Variants in SCAPER observed in about 807,000 individuals in gnomAD.
SCAPER encodes the protein S phase cyclin A-associated protein in the endoplasmic reticulum.
A neutral mutation model predicts 182.2 loss-of-function variants in SCAPER; 98 were observed. The observed-to-expected ratio is 0.54, with a 90% CI of 0.46 to 0.64. The LOEUF is 0.64. Ranked by LOEUF, SCAPER falls within the 30% of genes least tolerant of loss-of-function variation. SCAPER has a pLI of 0.00. For missense variants in SCAPER, 1,432 were observed against 1,690.0 expected (o/e 0.85, Z 2.68); for synonymous variants, 605 against 564.6 (o/e 1.07, Z -1.01).
chr15:76,801,919 A>C (rs1457144344), intron 6 of SCAPER, among the ~76,000 whole-genome samples: 1 of 152,050 alleles, frequency 6.6e-6, no homozygotes, highest in African/African-American at 2.4e-5. Context: ...CAAGGAAAAA[A>C]AAAAAAGGGA....
chr15:76,434,379 A>C (rs548656596), intron 25 of SCAPER, 69 bp from the exon 26 acceptor site: 9 of 1,092,664 alleles, frequency 8.2e-6, no homozygotes, highest in Non-Finnish European at 1.1e-5. Context: ...GACAGTTTAG[A>C]ACATTTCTGG....
chr15:76,789,459 ATCT>A (rs2064850182), intron 8 of SCAPER, among the ~76,000 whole-genome samples: 1 of 152,142 alleles, frequency 6.6e-6, no homozygotes, highest in Non-Finnish European at 1.5e-5. Context: ...ATTGGACCTA[ATCT>A]TTTAACCAAT....
At chr15:76,885,677 G>C (rs934453650) in intron 1 of SCAPER, among the ~76,000 whole-genome samples, 3 of 152,072 alleles carry the variant, frequency 2.0e-5, no homozygotes, top group African/African-American at 7.2e-5. Flanking sequence ...CAGAGACGGA[G>C]TTTCACCACA....
chr15:76,483,540 A>T (rs1423809368), intron 24 of SCAPER, among the ~76,000 whole-genome samples: 1 of 152,172 alleles, frequency 6.6e-6, no homozygotes, highest in East Asian at 1.9e-4. Flanking sequence ...TGTGAAAAGC[A>T]CTGTTAAGAG....
chr15:76,468,799 G>A (rs1001681973), intron 25 of SCAPER, among the ~76,000 whole-genome samples: 9 of 152,112 alleles, frequency 5.9e-5, no homozygotes, highest in African/African-American at 9.7e-5. Context: ...ATCTGGAGAC[G>A]GGGCCTGTGG....
intron 17 of SCAPER, among the ~76,000 whole-genome samples, chr15:76,721,781 C>A (rs2060259413): frequency 6.6e-6 from 1 of 152,054 alleles, no homozygotes; most frequent in South Asian, 2.1e-4. Flanking sequence ...GATTTTGTAT[C>A]CTGAGACTTT....
At chr15:76,819,675 C>T (rs542051547) in intron 5 of SCAPER, among the ~76,000 whole-genome samples, 2 of 152,246 alleles carry the variant, frequency 1.3e-5, no homozygotes, top group East Asian at 1.9e-4. Flanking sequence ...AAAATCAGAG[C>T]GCCTCTCCTC....
chr15:76,764,892 C>A (rs1321404433), intron 14 of SCAPER, 69 bp downstream of exon 14: 11 of 832,942 alleles, frequency 1.3e-5, no homozygotes, highest in Admixed American at 8.9e-5. Context: ...TCTCTCAGAC[C>A]AGAAGTAGAG....
chr15:76,601,158 A>G (rs1012564053), intron 22 of SCAPER, among the ~76,000 whole-genome samples: 2 of 122,612 alleles, frequency 1.6e-5, no homozygotes, highest in African/African-American at 5.0e-5. Flanking sequence ...ATGGTGTTCT[A>G]TCATGAATGG....
At position 76,621,754 on chromosome 15, in the gene SCAPER, G is replaced by GAA; in HGVS notation, c.2711+8_2711+9dup. ...TGAAGAAAAGGAGAACTAAAATGTG[G>GAA]AATACTCACTTTGCTTTATAAGGTG... On this transcript the variant is annotated intron_variant, in intron 22 of 31. Coordinates refer to ENST00000563290, the MANE Select transcript of SCAPER (RefSeq NM_020843.4). 6.3e-7 allele frequency: 1 copy of GAA among 1,598,850 alleles called. No individual in the cohort carries two copies. The highest frequency in any genetic ancestry group is 8.5e-7 in the Non-Finnish European group (1 of 1,171,564).
In SCAPER at chr15:76,605,169, T is replaced by C. The variant is rs575640917; in HGVS notation, c.2711+16595A>G. Among the ~76,000 whole-genome samples, 6 of 152,296 alleles carry C rather than the reference T, an allele frequency of 3.9e-5. No individual in the cohort carries two copies. In the East Asian group the frequency reaches 9.6e-4, roughly 24 times the overall value. ...ATATTGGCTGTGGGTTTGCCATAGA[T>C]AGCTCTTATTATTTTGAGATACGAC... On this transcript the variant is annotated intron_variant, in intron 22 of 31. Transcript: ENST00000563290.
intron 23 of SCAPER, among the ~76,000 whole-genome samples, chr15:76,518,675 ACTAT>A (rs1429377164): frequency 6.6e-6 from 1 of 152,226 alleles, no homozygotes; most frequent in Non-Finnish European, 1.5e-5. Context: ...TTCCTATCAG[ACTAT>A]CTGACACAAA....
intron 23 of SCAPER, among the ~76,000 whole-genome samples, chr15:76,543,069 T>C (rs1054144480): frequency 6.6e-6 from 1 of 152,158 alleles, no homozygotes; most frequent in African/African-American, 2.4e-5. Flanking sequence ...CTCCATAGAT[T>C]TTAAATAGTA....
chr15:76,464,004 G>A (rs1322274302), intron 25 of SCAPER, among the ~76,000 whole-genome samples: 1 of 60,704 alleles, frequency 1.6e-5, no homozygotes, highest in African/African-American at 6.4e-5. Flanking sequence ...TACTTTCACT[G>A]GTCTTTTTTT....
chr15:76,495,667 G>A (rs1036710174), intron 24 of SCAPER, among the ~76,000 whole-genome samples: 2 of 151,784 alleles, frequency 1.3e-5, no homozygotes, highest in Admixed American at 1.3e-4. Flanking sequence ...CATTCTTTGG[G>A]GTTTGGGGTA....
intron 20 of SCAPER, among the ~76,000 whole-genome samples, chr15:76,674,150 A>T (rs2057222994): frequency 6.6e-6 from 1 of 152,222 alleles, no homozygotes; most frequent in Non-Finnish European, 1.5e-5. Flanking sequence ...TGTATTACAA[A>T]TAATAAATGA....
chr15:76,380,010 G>C (rs2042846318), intron 28 of SCAPER: 1 of 152,184 alleles, frequency 6.6e-6, no homozygotes, highest in African/African-American at 2.4e-5. Flanking sequence ...ACAGTTTTTA[G>C]ATATTTGCTA....
intron 26 of SCAPER, among the ~76,000 whole-genome samples, chr15:76,424,984 T>A (rs2046322662): frequency 6.6e-6 from 1 of 152,218 alleles, no homozygotes; most frequent in African/African-American, 2.4e-5. Flanking sequence ...TGCTGAGAGA[T>A]CAGCTGTTAG....
intron 23 of SCAPER, among the ~76,000 whole-genome samples, chr15:76,557,682 A>G (rs1048359026): frequency 3.3e-5 from 5 of 152,206 alleles, no homozygotes; most frequent in African/African-American, 9.6e-5. Flanking sequence ...TGACAGAATC[A>G]TGCTTCCAAC....
Sources: gnomAD v4.1 joint callset for allele counts (sites outside exome capture counted in the v4.1 genomes callset) on GRCh38, gnomAD v4.1.1 for gene constraint, MANE v1.5 for transcripts, NCBI Gene and HGNC (gene_info 2026-07-23, HGNC 2026-07-21) for gene names.